Variants in PYCR2 observed in about 807,000 individuals in gnomAD.
PYCR2 encodes pyrroline-5-carboxylate reductase 2, also known as P5C reductase 2.
PYCR2 carries 17 observed loss-of-function variants against 23.4 expected under a neutral mutation model. The ratio of observed to expected loss-of-function variants is 0.73; its 90% confidence interval spans 0.50 to 1.09. The LOEUF (loss-of-function observed/expected upper bound fraction) is 1.09. Among genes scored for constraint, PYCR2 ranks in the 50% least tolerant of loss-of-function variants. PYCR2 has a pLI of 0.00. For missense variants in PYCR2, 380 were observed against 423.5 expected, an observed-to-expected ratio of 0.90 and a Z score of 0.90; for synonymous variants, 172 against 176.6, an observed-to-expected ratio of 0.97 and a Z score of 0.21.
Position 225,921,281 on chromosome 1 carries a change from G to A in PYCR2, c.724C>T (p.Leu242=). ...AAGCCCCCACTCTCTAGAAAGTGCA[G>A]GGCGTGGATGGTGGCTCCCCCAGGG... is the stretch of plus-strand genomic sequence containing the variant. ...CSPGGATIHA[L]HFLESGGFRS... The change falls in exon 6 of 7, where the codon CTG becomes TTG. Residue 242 remains leucine (L), a synonymous_variant. Coordinates refer to ENST00000343818, the MANE Select transcript of PYCR2 (RefSeq NM_013328.4). The surrounding 1 kb of genome is among the most constrained non-coding windows in gnomAD (Gnocchi z 4.2). 1 of 1,612,942 alleles carries A rather than the reference G, an allele frequency of 6.2e-7. No homozygotes were observed. Among genetic ancestry groups the A allele is most frequent in the Non-Finnish European group, 8.5e-7 (1 of 1,178,894 alleles).
chr1:225,920,975 C>T (rs1158141629), intron 6 of PYCR2, among the ~76,000 whole-genome samples: 1 of 152,172 alleles, frequency 6.6e-6, no homozygotes, highest in African/African-American at 2.4e-5. Flanking sequence ...AACTTCCCAT[C>T]TACAAGTCAA....
Position 225,920,108 on chromosome 1 carries a change from C to T in PYCR2, c.*347G>A, listed in dbSNP as rs1671798854. 5.7e-6 allele frequency: 1 copy of T among 174,628 alleles called. No homozygotes were observed. The highest frequency in any genetic ancestry group is 2.4e-5 in the African/African-American group (1 of 42,128). The allele number at this position is 174,628 out of a possible 1,614,324, so 10.8% of individuals were successfully genotyped here. A position where few individuals can be genotyped will look rare whatever the true frequency, so the allele number is the denominator to read the frequency against. On this transcript the variant is annotated 3_prime_UTR_variant, in exon 7 of 7. Transcript: ENST00000343818. Reference sequence around the variant, plus strand: ...TGCCTTGGCATCACACCAACCCTGCCTCGGGCTTCAGCTGCAGATCCTCCC... The same window carrying T: ...TGCCTTGGCATCACACCAACCCTGCTTCGGGCTTCAGCTGCAGATCCTCCC...
At position 225,924,228 on chromosome 1, in the gene PYCR2, G is replaced by T; in HGVS notation, c.-118C>A. On this transcript the variant is annotated 5_prime_UTR_variant, in exon 1 of 7. Coordinates refer to ENST00000343818, the MANE Select transcript of PYCR2 (RefSeq NM_013328.4). Reference sequence around the variant, plus strand: ...AACGGGCGGCGTGCCGAGGACCGGCGAGCTAACAGCAGCTTCTGGGATGGT... The same window carrying T: ...AACGGGCGGCGTGCCGAGGACCGGCTAGCTAACAGCAGCTTCTGGGATGGT... The T allele has an allele frequency of 2.6e-6, 3 of 1,176,084 alleles. No individual in the cohort carries two copies. In the East Asian group the frequency reaches 8.0e-5, roughly 32 times the overall value. 72.9% of individuals were successfully genotyped at this position (1,176,084 alleles called of 1,614,324 possible).
intron 3 of PYCR2, 59 bp from the exon 4 acceptor site, chr1:225,922,138 C>A (rs780834012): frequency 5.2e-5 from 84 of 1,605,744 alleles, no homozygotes; most frequent in Non-Finnish European, 6.2e-5. Context: ...CAGCACCCAC[C>A]CATTAGCTGC....
chr1:225,921,967 T>C lies in PYCR2; in HGVS notation c.431A>G (p.Glu144Gly), dbSNP rs753680389. 3 of 1,614,126 alleles carry C rather than the reference T, an allele frequency of 1.9e-6. No homozygotes were observed. The highest frequency in any genetic ancestry group is 3.3e-5 in the Admixed American group (2 of 60,020). Residue 144 changes from glutamate to glycine, a missense_variant, in exon 4 of 7, where the codon GAG becomes GGG. By Grantham distance (98) the Glu-to-Gly change is moderately conservative. Coordinates refer to ENST00000343818, the MANE Select transcript of PYCR2 (RefSeq NM_013328.4). This position sits in a 1 kb window ranked among gnomAD's most constrained non-coding sequence, Gnocchi z 4.2. ...GAGCTGCTCCAGGAGCTGCCCATCC[T>C]CCACCAGGGCATGGGTGCCCGTGGC... ...VYATGTHALVEDGQLLEQLMS... is the reference protein window; with the variant it reads ...VYATGTHALVGDGQLLEQLMS...
rs774053734 is a variant in PYCR2, at chr1:225,924,068, G to T, written c.43C>A (p.Leu15Met). 1 of 1,544,580 alleles carries T rather than the reference G, an allele frequency of 6.5e-7. No individual in the cohort carries two copies. Among genetic ancestry groups the T allele is most frequent in the South Asian group, 1.2e-5 (1 of 84,254 alleles). ...CCTGCGGCCGTGAAGCCCCGCGCCA[G>T]AGCATAGGCCAGCTGGCCGGCCCCG... ...FIGAGQLAYA[L>M]ARGFTAAGIL... Residue 15 changes from leucine to methionine, a missense_variant, in exon 1 of 7, where the codon CTG becomes ATG. Coordinates refer to ENST00000343818, the MANE Select transcript of PYCR2 (RefSeq NM_013328.4).
rs777510345 is a variant in PYCR2 at position 225,921,979 on chromosome 1, T to G, written c.419A>C (p.His140Pro). Reference protein sequence around the residue: ...EGATVYATGTHALVEDGQLLE... With the variant: ...EGATVYATGTPALVEDGQLLE... ...GAGCTGCCCATCCTCCACCAGGGCA[T>G]GGGTGCCCGTGGCGTACACTGTAGC... The change falls in exon 4 of 7, where the codon CAT (histidine) becomes CCT (proline). Residue 140 changes from histidine to proline, a missense_variant. Transcript: ENST00000343818. This position sits in a 1 kb window ranked among gnomAD's most constrained non-coding sequence, Gnocchi z 4.2. 2 of 1,614,048 alleles carry G rather than the reference T, an allele frequency of 1.2e-6. No individual in the cohort carries two copies. The highest frequency in any genetic ancestry group is 1.3e-5 in the African/African-American group (1 of 74,954).
At position 225,922,370 on chromosome 1, in the gene PYCR2, T is replaced by C. The variant is rs1439560693; in HGVS notation, c.152A>G (p.Asn51Ser). 1.2e-6 allele frequency: 2 copies of C among 1,611,716 alleles called. No homozygotes were observed. Among genetic ancestry groups the C allele is most frequent in the Non-Finnish European group, 1.7e-6 (2 of 1,178,160 alleles). ...TVSALRKMGV[N>S]LTRSNKETVK... ...CGTCTCCTTGTTGCTGCGTGTCAGG[T>C]TCACACCCATCTTCTGCAAGAGGAG... The change falls in exon 3 of 7, where the codon AAC becomes AGC. Residue 51 changes from asparagine (N) to serine (S), a missense_variant. By Grantham distance (46) the Asn-to-Ser change is conservative. Transcript: ENST00000343818.
rs561637196 is a variant in PYCR2, at chr1:225,920,102, C to T, written c.*353G>A. On this transcript the variant is annotated 3_prime_UTR_variant, in exon 7 of 7. Transcript: ENST00000343818. ...CCACTTTGCCTTGGCATCACACCAA[C>T]CCTGCCTCGGGCTTCAGCTGCAGAT... is the stretch of plus-strand genomic sequence containing the variant. 5.8e-6 allele frequency: 1 copy of T among 172,198 alleles called. No individual in the cohort carries two copies. The highest frequency in any genetic ancestry group is 2.4e-5 in the African/African-American group (1 of 42,044). The allele number at this position is 172,198 out of a possible 1,614,324, so 10.7% of individuals were successfully genotyped here. A position where few individuals can be genotyped will look rare whatever the true frequency, so the allele number is the denominator to read the frequency against.
At position 225,921,584 on chromosome 1, in the gene PYCR2, G is replaced by A. The variant is rs56362902; in HGVS notation, c.601C>T (p.Leu201=). ...GCCTGGGCCCCGAGTTGGATTGCCA[G>A]GCGCCGTGGCAAACCCATCTTCACC... ...GGVKMGLPRR[L]AIQLGAQALL... The change falls in exon 5 of 7, where the codon CTG becomes TTG. Residue 201 remains leucine, a synonymous_variant. Transcript: ENST00000343818. The surrounding 1 kb of genome is among the most constrained non-coding windows in gnomAD (Gnocchi z 4.2). The A allele has an allele frequency of 0.031, 49,937 of 1,614,192 alleles. 948 individuals carry two copies. Among genetic ancestry groups the A allele is most frequent in the Non-Finnish European group, 0.037 (43,277 of 1,180,028 alleles).
rs772843228 is a variant in PYCR2, at chr1:225,921,914, C to G, written c.484G>C (p.Val162Leu). 1 of 1,613,844 alleles carries G rather than the reference C, an allele frequency of 6.2e-7. No individual in the cohort carries two copies. The highest frequency in any genetic ancestry group is 8.5e-7 in the Non-Finnish European group (1 of 1,180,032). Reference sequence around the variant, plus strand: ...ACGGCATCGATGAGGTCCTCTTCCACCTCAGTGCAGAAGCCCACGCTGCTC... The same window carrying G: ...ACGGCATCGATGAGGTCCTCTTCCAGCTCAGTGCAGAAGCCCACGCTGCTC... ...LMSSVGFCTE[V>L]EEDLIDAVTG... The change falls in exon 4 of 7, where the codon GTG becomes CTG. Residue 162 changes from valine (V) to leucine (L), a missense_variant. Coordinates refer to ENST00000343818, the MANE Select transcript of PYCR2 (RefSeq NM_013328.4). The surrounding 1 kb of genome is among the most constrained non-coding windows in gnomAD (Gnocchi z 4.2).
chr1:225,921,566 C>T lies in PYCR2; in HGVS notation c.619G>A (p.Ala207Thr). 6.2e-7 allele frequency: 1 copy of T among 1,614,196 alleles called. No individual in the cohort carries two copies. The highest frequency in any genetic ancestry group is 8.5e-7 in the Non-Finnish European group (1 of 1,180,038). Reference protein sequence around the residue: ...LPRRLAIQLGAQALLGAAKML... With the variant: ...LPRRLAIQLGTQALLGAAKML... The stretch of plus-strand genomic sequence containing the variant: ...AAGATACTGACCAGCAAAGCCTGGG[C>T]CCCGAGTTGGATTGCCAGGCGCCGT... Residue 207 changes from alanine (A) to threonine (T), a missense_variant, in exon 5 of 7, where the codon GCC (alanine) becomes ACC (threonine). Transcript: ENST00000343818. This position sits in a 1 kb window ranked among gnomAD's most constrained non-coding sequence, Gnocchi z 4.2.
Position 225,920,044 on chromosome 1 carries a change from T to C in PYCR2, c.*411A>G, listed in dbSNP as rs1671797159. 2 of 158,468 alleles carry C rather than the reference T, an allele frequency of 1.3e-5. No individual in the cohort carries two copies. The highest frequency in any genetic ancestry group is 4.8e-5 in the African/African-American group (2 of 41,572). 9.8% of individuals were successfully genotyped at this position (158,468 alleles called of 1,614,324 possible). On this transcript the variant is annotated 3_prime_UTR_variant, in exon 7 of 7. Coordinates refer to ENST00000343818, the MANE Select transcript of PYCR2 (RefSeq NM_013328.4). The stretch of plus-strand genomic sequence containing the variant: ...TGCTCACTTCTTTCCCATTTACCAA[T>C]TCAGAGAAAGCCCGTTTCCTGTTTT...
intron 1 of PYCR2, 73 bp from the exon 2 acceptor site, chr1:225,923,844 C>T: frequency 6.3e-7 from 1 of 1,594,800 alleles, no homozygotes; most frequent in Non-Finnish European, 8.6e-7. Flanking sequence ...GCTCTAAAAC[C>T]CAGAGCCGTC....
intron 2 of PYCR2, chr1:225,923,451 C>T (rs1559068516): frequency 7.4e-7 from 1 of 1,358,108 alleles, no homozygotes; most frequent in Non-Finnish European, 9.5e-7. Flanking sequence ...GTGCTTTCAT[C>T]ACATAATCAC....
chr1:225,921,405 G>A lies in PYCR2; in HGVS notation c.634-34C>T, dbSNP rs752347259. 6.6e-7 allele frequency: 1 copy of A among 1,526,074 alleles called. No homozygotes were observed. 94.5% of individuals were successfully genotyped at this position (1,526,074 alleles called of 1,614,324 possible). ...AAGGGCACATTAGGAGAAAGTTGCT[G>A]GTGTGCGTTGGAACAGGCTTCCCAT... is the stretch of plus-strand genomic sequence containing the variant. On this transcript the variant is annotated intron_variant, in intron 5 of 6. Coordinates refer to ENST00000343818, the MANE Select transcript of PYCR2 (RefSeq NM_013328.4). This position sits in a 1 kb window ranked among gnomAD's most constrained non-coding sequence, Gnocchi z 4.2.
chr1:225,923,414 A>C, intron 2 of PYCR2: 1 of 1,202,174 alleles, frequency 8.3e-7, no homozygotes, highest in African/African-American at 1.6e-5. Context: ...AAAAATGAGT[A>C]TTTATTAGGT....
In PYCR2 at chr1:225,921,954, G is replaced by A. The variant is rs767797166; in HGVS notation, c.444C>T (p.Leu148=). 9.9e-6 allele frequency: 16 copies of A among 1,614,130 alleles called. No homozygotes were observed. Among genetic ancestry groups the A allele is most frequent in the Non-Finnish European group, 9.3e-6 (11 of 1,180,014 alleles). The change falls in exon 4 of 7, where the codon CTC becomes CTT. Residue 148 remains leucine, a synonymous_variant. Transcript: ENST00000343818. This position sits in a 1 kb window ranked among gnomAD's most constrained non-coding sequence, Gnocchi z 4.2. The part of the protein sequence containing the change: ...GTHALVEDGQ[L]LEQLMSSVGF... Reference sequence around the variant, plus strand: ...CCACGCTGCTCATGAGCTGCTCCAGGAGCTGCCCATCCTCCACCAGGGCAT... The same window carrying A: ...CCACGCTGCTCATGAGCTGCTCCAGAAGCTGCCCATCCTCCACCAGGGCAT...
intron 6 of PYCR2, 47 bp from the exon 7 acceptor site, chr1:225,920,667 G>A: frequency 2.5e-6 from 4 of 1,583,156 alleles, no homozygotes; most frequent in Non-Finnish European, 3.5e-6. Flanking sequence ...ATAAACCCTG[G>A]GGCCAGAGCT....
Sources: gnomAD v4.1 joint callset for allele counts (sites outside exome capture counted in the v4.1 genomes callset) on GRCh38, gnomAD v4.1.1 for gene constraint, Gnocchi (gnomAD v3.1) non-coding constraint, MANE v1.5 for transcripts, NCBI Gene and HGNC (gene_info 2026-07-23, HGNC 2026-07-21) for gene names.